JAM3: variants seen among roughly 807,000 people sequenced by gnomAD.
JAM3 encodes the protein junctional adhesion molecule 3, also known as junctional adhesion molecule C.
JAM3 carries 31 observed loss-of-function variants against 39.4 expected under a neutral mutation model. The observed-to-expected ratio is 0.79, with a 90% confidence interval of 0.59 to 1.06. The LOEUF is 1.06. JAM3 is among the 50% of genes least tolerant of loss of function. The pLI is 0.00. For missense variants in JAM3, 455 were observed against 391.4 expected (o/e 1.16, Z -1.37); for synonymous variants, 182 against 148.7 (o/e 1.22, Z -1.63).
chr11:134,075,895 C>T (rs1035636991), intron 1 of JAM3, among the ~76,000 whole-genome samples: 7 of 152,126 alleles, frequency 4.6e-5, no homozygotes, highest in Non-Finnish European at 8.8e-5. Flanking sequence ...GTCATTCTGT[C>T]CTTCAATACT....
At chr11:134,135,142 G>A (rs1363290456) in intron 1 of JAM3, among the ~76,000 whole-genome samples, 1 of 152,094 alleles carries the variant, frequency 6.6e-6, no homozygotes, top group Non-Finnish European at 1.5e-5. Context: ...AAATTTAATA[G>A]TTTTAGCTCT....
At position 134,146,027 on chromosome 11, in the gene JAM3, G is replaced by A. The variant is rs777054864; in HGVS notation, c.694G>A (p.Glu232Lys). The change falls in exon 6 of 9, where the codon GAG becomes AAG. Residue 232 changes from glutamate (E) to lysine (K), a missense_variant. Physicochemically the swap from Glu to Lys is moderately conservative, Grantham distance 56. Coordinates refer to ENST00000299106, the MANE Select transcript of JAM3 (RefSeq NM_032801.5). ...SNDAGSARCE[E>K]QEMEVYDLNI... The stretch of plus-strand genomic sequence containing the variant: ...TGACGCAGGCTCAGCCAGGTGTGAG[G>A]AGCAGGAGATGGAAGTCTGTGAGTT... 6.2e-7 allele frequency: 1 copy of A among 1,613,462 alleles called. No homozygotes were observed. Among genetic ancestry groups the A allele is most frequent in the South Asian group, 1.1e-5 (1 of 91,058 alleles).
At chr11:134,123,217 A>G (rs1403658979) in intron 1 of JAM3, among the ~76,000 whole-genome samples, 1 of 151,932 alleles carries the variant, frequency 6.6e-6, no homozygotes, top group Non-Finnish European at 1.5e-5. Context: ...TTATTTAGTT[A>G]TTTGTTTGTT....
intron 1 of JAM3, among the ~76,000 whole-genome samples, chr11:134,089,025 A>G (rs1941795466): frequency 6.6e-6 from 1 of 152,200 alleles, no homozygotes; most frequent in Non-Finnish European, 1.5e-5. Context: ...CATATAGGTG[A>G]TTGTAAGTTG....
Position 134,124,279 on chromosome 11 carries a change from G to A in JAM3, c.77-15572G>A. On this transcript the variant is annotated intron_variant, in intron 1 of 8. Coordinates refer to ENST00000299106, the MANE Select transcript of JAM3 (RefSeq NM_032801.5). Reference sequence around the variant, plus strand: ...GCACTGGTAGGGTTGTGAGTTACAAGAAAACGCATGTTCTCACAGGAAATC... The same window carrying A: ...GCACTGGTAGGGTTGTGAGTTACAAAAAAACGCATGTTCTCACAGGAAATC... The A allele has an allele frequency of 3.2e-6, 3 of 938,714 alleles. No individual in the cohort carries two copies. The South Asian group carries it at 3.9e-5, about 12-fold the overall frequency. 58.1% of individuals were successfully genotyped at this position (938,714 alleles called of 1,614,324 possible).
intron 1 of JAM3, among the ~76,000 whole-genome samples, chr11:134,112,819 T>C (rs959610088): frequency 2.8e-4 from 42 of 152,154 alleles, no homozygotes; most frequent in Non-Finnish European, 4.6e-4. Context: ...TCATGTCGTG[T>C]AAGAGGATAT....
intron 1 of JAM3, chr11:134,123,782 T>G: frequency 1.4e-6 from 1 of 710,464 alleles, no homozygotes; most frequent in African/African-American, 1.7e-5. Flanking sequence ...AAGGGTTCCC[T>G]CTAAATGCCA....
intron 6 of JAM3, among the ~76,000 whole-genome samples, chr11:134,147,459 CAAAAA>C (rs557379286): frequency 5.5e-4 from 39 of 70,880 alleles, no homozygotes; most frequent in African/African-American, 1.1e-3. Flanking sequence ...GACTCTGTCT[CAAAAA>C]AAAAAAAAAA....
At chr11:134,135,149 C>G (rs904637174) in intron 1 of JAM3, among the ~76,000 whole-genome samples, 10 of 152,104 alleles carry the variant, frequency 6.6e-5, no homozygotes, top group African/African-American at 2.2e-4. Context: ...ATAGTTTTAG[C>G]TCTTAAATTT....
At position 134,097,125 on chromosome 11, in the gene JAM3, C is replaced by A. The variant is rs11223688; in HGVS notation, c.76+27966C>A. On this transcript the variant is annotated intron_variant, in intron 1 of 8. Transcript: ENST00000299106. The stretch of plus-strand genomic sequence containing the variant: ...CTTGTCCCCTCCACACCCCATCCCC[C>A]GCATCCCATCAAGCTGCTTAGGGTG... Among the ~76,000 whole-genome samples, 1,183 of 152,202 alleles carry A rather than the reference C, an allele frequency of 7.8e-3. 12 individuals carry two copies. Among genetic ancestry groups the A allele is most frequent in the Non-Finnish European group, 0.013 (898 of 68,020 alleles).
chr11:134,125,189 C>T (rs1942622553), intron 1 of JAM3, among the ~76,000 whole-genome samples: 1 of 152,268 alleles, frequency 6.6e-6, no homozygotes, highest in Non-Finnish European at 1.5e-5. Context: ...GCCACCGCCG[C>T]TGCACGGGCA....
chr11:134,121,013 G>A (rs967024971), intron 1 of JAM3, among the ~76,000 whole-genome samples: 2 of 152,170 alleles, frequency 1.3e-5, no homozygotes, highest in Admixed American at 6.5e-5. Flanking sequence ...TGCACCAACC[G>A]CAGATGCTGG....
intron 2 of JAM3, 127 bp from the exon 3 acceptor site, chr11:134,140,530 G>A: frequency 2.6e-6 from 2 of 766,718 alleles, no homozygotes; most frequent in South Asian, 1.4e-5. Context: ...CTCTTGGAGT[G>A]TGGAGTTGGC....
At chr11:134,135,322 C>T (rs1370780920) in intron 1 of JAM3, among the ~76,000 whole-genome samples, 19 of 152,114 alleles carry the variant, frequency 1.2e-4, no homozygotes, top group Non-Finnish European at 5.9e-5. Context: ...ATCACTTGAC[C>T]ATATATGCAA....
At chr11:134,094,681 T>G (rs1354407621) in intron 1 of JAM3, among the ~76,000 whole-genome samples, 2 of 152,236 alleles carry the variant, frequency 1.3e-5, no homozygotes, top group African/African-American at 2.4e-5. Context: ...AAGCATCTCC[T>G]GATCTCTCAG....
At chr11:134,101,725 C>T (rs899074902) in intron 1 of JAM3, among the ~76,000 whole-genome samples, 2 of 151,978 alleles carry the variant, frequency 1.3e-5, no homozygotes, top group East Asian at 3.9e-4. Context: ...TATTCTTTTT[C>T]CTCCAGTTTT....
intron 1 of JAM3, among the ~76,000 whole-genome samples, chr11:134,087,520 G>T (rs1456892113): frequency 1.3e-5 from 2 of 152,154 alleles, no homozygotes; most frequent in Admixed American, 1.3e-4. Context: ...ACTCATTGGA[G>T]AGCAAAATCT....
At chr11:134,071,149 A>G (rs1056139426) in intron 1 of JAM3, among the ~76,000 whole-genome samples, 2 of 152,222 alleles carry the variant, frequency 1.3e-5, no homozygotes, top group African/African-American at 4.8e-5. Flanking sequence ...TTCTTGATAT[A>G]ACAGCAAACA....
intron 1 of JAM3, among the ~76,000 whole-genome samples, chr11:134,123,166 C>T (rs1942568543): frequency 6.6e-6 from 1 of 152,138 alleles, no homozygotes; most frequent in Non-Finnish European, 1.5e-5. Flanking sequence ...GACTAAAAAC[C>T]ACCTGGATCA....
Sources: allele counts gnomAD v4.1 joint callset (sites outside exome capture counted in the v4.1 genomes callset), GRCh38; gene constraint gnomAD v4.1.1; transcripts MANE v1.5; gene names NCBI Gene and HGNC (gene_info 2026-07-23, HGNC 2026-07-21).